The following DHRSX variants were observed in gnomAD, a reference collection of about 807,000 sequenced individuals.
DHRSX encodes dehydrogenase/reductase X-linked, also known as polyprenol dehydrogenase.
A neutral mutation model predicts 34.0 loss-of-function variants in DHRSX; 31 were observed. The observed-to-expected ratio is 0.91, with a 90% CI of 0.69 to 1.23. The LOEUF is 1.23. Ranked by LOEUF, DHRSX falls within the 50% of genes most tolerant of loss-of-function variation. The probability of loss-of-function intolerance (pLI) is 0.00; values close to 1 mark genes in which losing one functional copy is unlikely to be tolerated. For synonymous variants in DHRSX, 201 were observed against 183.8 expected, an observed-to-expected ratio of 1.09 and a Z score of -0.76; for missense variants, 414 against 428.1, an observed-to-expected ratio of 0.97 and a Z score of 0.29.
chrX:2,470,804 C>G (rs1433773751), intron 1 of DHRSX, among the ~76,000 whole-genome samples: 1 of 152,152 alleles, frequency 6.6e-6, no homozygotes, highest in African/African-American at 2.4e-5. Flanking sequence ...GTTAATAATA[C>G]ATCACGTCTT....
intron 3 of DHRSX, among the ~76,000 whole-genome samples, chrX:2,330,012 G>A (rs1331931560): frequency 7.2e-6 from 1 of 139,284 alleles, no homozygotes; most frequent in Non-Finnish European, 1.5e-5. Context: ...GCAGCACTGC[G>A]ATTCCAAAAA....
At chrX:2,489,831 C>T in intron 1 of DHRSX, 1 of 1,613,662 alleles carries the variant, frequency 6.2e-7, no homozygotes, top group Non-Finnish European at 8.5e-7. Context: ...TGGATGCCGG[C>T]ATTGAAGGTG....
At chrX:2,372,435 A>G (rs2043083690) in intron 3 of DHRSX, among the ~76,000 whole-genome samples, 1 of 152,034 alleles carries the variant, frequency 6.6e-6, no homozygotes, top group South Asian at 2.1e-4. Context: ...GTTGTGTCAA[A>G]TTGGAACCGA....
At chrX:2,481,796 G>A (rs1375191241) in intron 1 of DHRSX, among the ~76,000 whole-genome samples, 1 of 149,918 alleles carries the variant, frequency 6.7e-6, no homozygotes, top group Non-Finnish European at 1.5e-5. Context: ...GCTCAGGAGG[G>A]TTGGTGAGAT....
chrX:2,485,721 A>T (rs2044883853), intron 1 of DHRSX, among the ~76,000 whole-genome samples: 1 of 76,380 alleles, frequency 1.3e-5, no homozygotes, highest in Admixed American at 1.4e-4. Context: ...GAACGGAGAG[A>T]AGGAAGGGAG....
At chrX:2,495,901 G>A (rs979051821) in intron 1 of DHRSX, among the ~76,000 whole-genome samples, 2 of 152,070 alleles carry the variant, frequency 1.3e-5, no homozygotes, top group South Asian at 2.1e-4. Context: ...ACGACACGTC[G>A]CAAGAGACCA....
intron 5 of DHRSX, among the ~76,000 whole-genome samples, chrX:2,250,783 G>A (rs1240160617): frequency 6.6e-6 from 1 of 152,140 alleles, no homozygotes; most frequent in Non-Finnish European, 1.5e-5. Context: ...AGCCCAAGCA[G>A]GTCTCAGCCT....
intron 1 of DHRSX, chrX:2,489,122 A>C (rs760012167): frequency 6.2e-7 from 1 of 1,613,502 alleles, no homozygotes; most frequent in South Asian, 1.1e-5. Flanking sequence ...GGATGTCCGC[A>C]TGAGCTTCTT....
chrX:2,381,797 CAA>C (rs767319246), intron 3 of DHRSX, among the ~76,000 whole-genome samples: 26 of 81,606 alleles, frequency 3.2e-4, no homozygotes, highest in South Asian at 1.7e-3. Flanking sequence ...AAGCCACAAC[CAA>C]AAAAAAAAAA....
chrX:2,362,251 C>A (rs1472425615), intron 3 of DHRSX, among the ~76,000 whole-genome samples: 1 of 152,164 alleles, frequency 6.6e-6, no homozygotes, highest in East Asian at 1.9e-4. Context: ...GTAGCAACAA[C>A]CACTCTGTAG....
In DHRSX at chrX:2,269,194, T is replaced by A. The variant is rs2041515774; in HGVS notation, c.389-2247A>T. 2.0e-5 allele frequency among the ~76,000 whole-genome samples: 3 copies of A among 152,390 alleles called. No individual in the cohort carries two copies. In the South Asian group the frequency reaches 6.2e-4, roughly 32 times the overall value. On this transcript the variant is annotated intron_variant, in intron 4 of 6. Coordinates refer to ENST00000334651, the MANE Select transcript of DHRSX (RefSeq NM_145177.3). The stretch of plus-strand genomic sequence containing the variant: ...TTGTCTACATATTTGTATATGTATA[T>A]CTGCATGTGTACATATTTTCCTATG...
chrX:2,353,645 G>A (rs1192032092), intron 3 of DHRSX, among the ~76,000 whole-genome samples: 4 of 149,150 alleles, frequency 2.7e-5, no homozygotes, highest in Non-Finnish European at 4.4e-5. Context: ...GTGCAATGGC[G>A]CGATCTCGGC....
intron 3 of DHRSX, among the ~76,000 whole-genome samples, chrX:2,339,383 C>T (rs982495155): frequency 1.3e-5 from 2 of 152,052 alleles, no homozygotes; most frequent in Non-Finnish European, 2.9e-5. Flanking sequence ...AGGTAATCCG[C>T]TCGCCTCAGC....
chrX:2,470,917 G>A (rs1260281196), intron 1 of DHRSX, among the ~76,000 whole-genome samples: 4 of 67,872 alleles, frequency 5.9e-5, no homozygotes, highest in Non-Finnish European at 3.0e-5. Context: ...AAATTAGCTT[G>A]ATTGTTAATA....
chrX:2,260,131 G>A (rs1235389601), intron 5 of DHRSX, among the ~76,000 whole-genome samples: 1 of 141,610 alleles, frequency 7.1e-6, no homozygotes, highest in Middle Eastern at 4.1e-3. Flanking sequence ...CCATCTCCAC[G>A]TGGCCTTCTC....
chrX:2,230,449 G>A (rs184739068), intron 6 of DHRSX, among the ~76,000 whole-genome samples: 2,610 of 152,256 alleles, frequency 0.017, 61 homozygotes, highest in African/African-American at 0.058. Context: ...GAGAGGAGAT[G>A]GCTTGTGCTG....
chrX:2,422,473 G>A (rs1219405994), intron 2 of DHRSX, among the ~76,000 whole-genome samples: 2 of 152,122 alleles, frequency 1.3e-5, no homozygotes, highest in Non-Finnish European at 2.9e-5. Flanking sequence ...ATGTTAGCCA[G>A]GATGGTCTCG....
At chrX:2,462,955 T>C (rs1176773470) in intron 1 of DHRSX, among the ~76,000 whole-genome samples, 3 of 152,096 alleles carry the variant, frequency 2.0e-5, no homozygotes, top group Non-Finnish European at 2.9e-5. Context: ...TGGGAGGTGA[T>C]GACTTCATGG....
At chrX:2,371,112 T>C (rs866162703) in intron 3 of DHRSX, among the ~76,000 whole-genome samples, 2 of 151,628 alleles carry the variant, frequency 1.3e-5, no homozygotes, top group South Asian at 2.1e-4. Context: ...CCTCCCCTAT[T>C]ACCATAATCC....
Sources: allele counts gnomAD v4.1 joint callset (sites outside exome capture counted in the v4.1 genomes callset), GRCh38; gene constraint gnomAD v4.1.1; transcripts MANE v1.5; gene names NCBI Gene and HGNC (gene_info 2026-07-23, HGNC 2026-07-21).